XKR4: variants seen among roughly 807,000 people sequenced by gnomAD.
The protein encoded by XKR4 is XK related 4, also known as XK-related protein 4.
In XKR4, 12 loss-of-function variants were observed where a neutral mutation model predicts 53.9. That is an observed-to-expected ratio of 0.22 (90% CI 0.14 to 0.36). The LOEUF (loss-of-function observed/expected upper bound fraction) is 0.36. XKR4 is among the 10% of genes least tolerant of loss of function. The pLI is 1.00. For missense variants in XKR4, 799 were observed against 859.5 expected (o/e 0.93, Z 0.88); for synonymous variants, 354 against 362.4 (o/e 0.98, Z 0.26).
intron 1 of XKR4, among the ~76,000 whole-genome samples, chr8:55,180,017 C>T (rs1325101606): frequency 6.6e-6 from 1 of 152,170 alleles, no homozygotes; most frequent in Non-Finnish European, 1.5e-5. Flanking sequence ...TGTGCAGTGA[C>T]ATTTAAACAC....
chr8:55,450,530 A>G, intron 2 of XKR4: 1 of 661,616 alleles, frequency 1.5e-6, no homozygotes, highest in East Asian at 3.1e-5. Context: ...GTCCAGTAGG[A>G]AGGTCTAGAA....
intron 2 of XKR4, among the ~76,000 whole-genome samples, chr8:55,506,249 G>A (rs1356165172): frequency 1.3e-5 from 2 of 152,254 alleles, no homozygotes; most frequent in Admixed American, 6.5e-5. Flanking sequence ...AGTGGGTGAT[G>A]TAAGGAGAGG....
intron 2 of XKR4, among the ~76,000 whole-genome samples, chr8:55,372,563 T>C (rs866535308): frequency 3.4e-5 from 5 of 148,730 alleles, no homozygotes; most frequent in African/African-American, 1.3e-4. Context: ...TTTTTTTTTT[T>C]CTAGAAAGCC....
intron 1 of XKR4, among the ~76,000 whole-genome samples, chr8:55,305,167 T>C (rs1819277273): frequency 6.6e-6 from 1 of 152,178 alleles, no homozygotes; most frequent in Non-Finnish European, 1.5e-5. Context: ...ACTTACATTT[T>C]AATTAATGAT....
At chr8:55,452,366 C>A in intron 2 of XKR4, 1 of 631,390 alleles carries the variant, frequency 1.6e-6, no homozygotes. Context: ...CTGTGAGCAT[C>A]CCCGTGAAGA....
At chr8:55,310,158 C>T (rs1819367877) in intron 1 of XKR4, among the ~76,000 whole-genome samples, 5 of 152,140 alleles carry the variant, frequency 3.3e-5, no homozygotes, top group Admixed American at 3.3e-4. Flanking sequence ...GAGCCAAACT[C>T]CTTAGAAACA....
intron 2 of XKR4, among the ~76,000 whole-genome samples, chr8:55,464,608 T>C (rs112002826): frequency 6.6e-6 from 1 of 152,220 alleles, no homozygotes; most frequent in African/African-American, 2.4e-5. Context: ...CTACTCCTAT[T>C]CAACATGGTG....
At chr8:55,450,813 G>T in intron 2 of XKR4, 1 of 510,294 alleles carries the variant, frequency 2.0e-6, no homozygotes, top group African/African-American at 2.0e-5. Flanking sequence ...CCACATGGGT[G>T]GTGATGTCCC....
chr8:55,106,501 G>A (rs987372521), intron 1 of XKR4, among the ~76,000 whole-genome samples: 2 of 152,124 alleles, frequency 1.3e-5, no homozygotes, highest in Admixed American at 6.5e-5. Flanking sequence ...GAATGAATGC[G>A]AAAGTACTTT....
intron 1 of XKR4, among the ~76,000 whole-genome samples, chr8:55,207,110 C>T (rs1378466059): frequency 6.6e-6 from 1 of 152,222 alleles, no homozygotes; most frequent in Non-Finnish European, 1.5e-5. Flanking sequence ...AAGGAGAGGT[C>T]CTGCCCCAGA....
intron 2 of XKR4, among the ~76,000 whole-genome samples, chr8:55,466,677 T>C (rs1008648113): frequency 1.3e-5 from 2 of 152,122 alleles, no homozygotes; most frequent in Admixed American, 6.5e-5. Context: ...TTTACCATCT[T>C]ACTATCCATA....
chr8:55,523,148 A>G (rs966302978), intron 2 of XKR4, 133 bp from the exon 3 acceptor site: 5 of 834,716 alleles, frequency 6.0e-6, no homozygotes, highest in African/African-American at 3.5e-5. Flanking sequence ...TCTCAAAAAA[A>G]AAAAAAAAAA....
At chr8:55,451,754 T>C in intron 2 of XKR4, 1 of 1,148,684 alleles carries the variant, frequency 8.7e-7, no homozygotes, top group East Asian at 2.4e-5. Flanking sequence ...TTGGCCCGGC[T>C]CAGGCGGCTG....
At chr8:55,224,893 G>T (rs1375542333) in intron 1 of XKR4, among the ~76,000 whole-genome samples, 1 of 152,142 alleles carries the variant, frequency 6.6e-6, no homozygotes, top group East Asian at 1.9e-4. Flanking sequence ...TACTGTGCGT[G>T]ATTTCAGAAG....
chr8:55,401,026 T>C (rs1804593383), intron 2 of XKR4, among the ~76,000 whole-genome samples: 1 of 152,256 alleles, frequency 6.6e-6, no homozygotes. Context: ...CTGCTCATGC[T>C]GTTCCTTGTG....
intron 1 of XKR4, among the ~76,000 whole-genome samples, chr8:55,227,978 C>T (rs993068754): frequency 2.0e-5 from 3 of 152,222 alleles, no homozygotes; most frequent in Admixed American, 6.5e-5. Flanking sequence ...GTGATCTTGG[C>T]TCACTGCAGC....
Position 55,362,640 on chromosome 8 carries a change from T to C in XKR4, c.1006+4763T>C, listed in dbSNP as rs573612739. 3.9e-5 allele frequency among the ~76,000 whole-genome samples: 6 copies of C among 152,360 alleles called. No homozygotes were observed. The East Asian group carries it at 1.2e-3, about 29-fold the overall frequency. ...GACGCCAGCAAAGGTAGAAGGTTCA[T>C]GGTCAGAGTTACCCCATCTGGACTT... On this transcript the variant is annotated intron_variant, in intron 2 of 2. Coordinates refer to ENST00000327381, the MANE Select transcript of XKR4 (RefSeq NM_052898.2).
At chr8:55,104,150 A>T (rs1398112793) in intron 1 of XKR4, among the ~76,000 whole-genome samples, 1 of 152,132 alleles carries the variant, frequency 6.6e-6, no homozygotes, top group African/African-American at 2.4e-5. Context: ...AAACTTGGGC[A>T]GAGGGAAACC....
At chr8:55,491,544 A>C (rs961905838) in intron 2 of XKR4, among the ~76,000 whole-genome samples, 3 of 152,080 alleles carry the variant, frequency 2.0e-5, no homozygotes, top group African/African-American at 7.2e-5. Context: ...AGGCTAGTTT[A>C]GCTCTACTTT....
Sources: allele counts gnomAD v4.1 joint callset (sites outside exome capture counted in the v4.1 genomes callset), GRCh38; gene constraint gnomAD v4.1.1; transcripts MANE v1.5; gene names NCBI Gene and HGNC (gene_info 2026-07-23, HGNC 2026-07-21).